The following CNTN6 variants were observed in gnomAD, a reference collection of about 807,000 sequenced individuals.
CNTN6 encodes contactin-6.
CNTN6 carries 137 observed loss-of-function variants against 122.8 expected under a neutral mutation model. That is an observed-to-expected ratio of 1.12 (90% CI 0.97 to 1.29). The LOEUF (loss-of-function observed/expected upper bound fraction) is 1.29, where lower values mean the gene tolerates loss of function less well. Ranked by LOEUF, CNTN6 falls within the 50% of genes most tolerant of loss-of-function variation. The pLI is 0.00. For missense variants in CNTN6, 1,634 were observed against 1,223.4 expected (o/e 1.34, Z -5.01); for synonymous variants, 570 against 426.0 (o/e 1.34, Z -4.16).
At chr3:1,099,263 A>T (rs935280996) in intron 1 of CNTN6, among the ~76,000 whole-genome samples, 1 of 152,008 alleles carries the variant, frequency 6.6e-6, no homozygotes, top group Non-Finnish European at 1.5e-5. Flanking sequence ...CATCCTGGCT[A>T]ACACGGTGAA....
intron 3 of CNTN6, among the ~76,000 whole-genome samples, chr3:1,224,056 C>T (rs2094244959): frequency 6.6e-6 from 1 of 152,186 alleles, no homozygotes; most frequent in Non-Finnish European, 1.5e-5. Context: ...GACTCAAATT[C>T]AGTGTACATC....
intron 1 of CNTN6, among the ~76,000 whole-genome samples, chr3:1,098,956 T>C (rs2090704334): frequency 6.6e-6 from 1 of 150,860 alleles, no homozygotes; most frequent in African/African-American, 2.4e-5. Context: ...ATACAATATA[T>C]AATAAGGGCC....
intron 14 of CNTN6, 44 bp from the exon 15 acceptor site, chr3:1,373,560 T>C: frequency 6.3e-7 from 1 of 1,583,182 alleles, no homozygotes; most frequent in South Asian, 1.1e-5. Context: ...AATTAATGAA[T>C]GTAAGTATCT....
At chr3:1,163,181 T>C (rs1049933332) in intron 2 of CNTN6, among the ~76,000 whole-genome samples, 1 of 152,196 alleles carries the variant, frequency 6.6e-6, no homozygotes, top group Non-Finnish European at 1.5e-5. Flanking sequence ...TAAAAGGCAA[T>C]TTGGGACTCT....
chr3:1,261,852 A>G (rs2094851539), intron 4 of CNTN6, among the ~76,000 whole-genome samples: 1 of 152,188 alleles, frequency 6.6e-6, no homozygotes. Context: ...ATGTAATAAG[A>G]CAAGAGGAGG....
chr3:1,306,172 A>C lies in CNTN6; in HGVS notation c.761+8181A>C, dbSNP rs1858064. On this transcript the variant is annotated intron_variant, in intron 7 of 22. Coordinates refer to ENST00000446702, the MANE Select transcript of CNTN6 (RefSeq NM_001289080.2). ...CCTTTTGTTTCCCCTCATTGAGTTG[A>C]GCAGATAGAGAACAGAATCTCTTCC... Among the ~76,000 whole-genome samples the C allele has an allele frequency of 4.7e-3, 719 of 152,252 alleles. 1 individual carries two copies. Among genetic ancestry groups the C allele is most frequent in the Non-Finnish European group, 8.0e-3 (547 of 67,996 alleles).
At chr3:1,134,686 TTTTTG>T (rs372317721) in intron 1 of CNTN6, among the ~76,000 whole-genome samples, 4,781 of 152,114 alleles carry the variant, frequency 0.031, 163 homozygotes, top group African/African-American at 0.076. Flanking sequence ...TTTTTTTTGT[TTTTTG>T]TTTTGTTTTG....
intron 4 of CNTN6, among the ~76,000 whole-genome samples, chr3:1,244,079 C>A (rs981970888): frequency 6.6e-6 from 1 of 152,116 alleles, no homozygotes; most frequent in African/African-American, 2.4e-5. Context: ...AGAAATCGAA[C>A]GTGCCGTTTT....
intron 7 of CNTN6, among the ~76,000 whole-genome samples, chr3:1,310,970 C>G (rs998102652): frequency 4.0e-5 from 6 of 151,858 alleles, no homozygotes; most frequent in African/African-American, 1.5e-4. Flanking sequence ...CATTGCAGTT[C>G]CCAAAGGACA....
At chr3:1,352,516 G>A (rs2126075908) in intron 12 of CNTN6, 65 bp downstream of exon 12, 5 of 1,578,714 alleles carry the variant, frequency 3.2e-6, no homozygotes, top group East Asian at 2.3e-5. Context: ...TATGACTTGT[G>A]TTATGGTGTC....
intron 1 of CNTN6, among the ~76,000 whole-genome samples, chr3:1,120,521 A>G (rs910791128): frequency 6.6e-6 from 1 of 151,788 alleles, no homozygotes; most frequent in Admixed American, 6.6e-5. Context: ...TATTTTGCCT[A>G]TTTGCTTCTT....
chr3:1,126,648 G>C (rs2092171692), intron 1 of CNTN6, among the ~76,000 whole-genome samples: 1 of 151,858 alleles, frequency 6.6e-6, no homozygotes, highest in Non-Finnish European at 1.5e-5. Context: ...CTGACATGAA[G>C]AGCTCTTAGC....
chr3:1,368,837 G>A (rs564428872), intron 12 of CNTN6, among the ~76,000 whole-genome samples: 8 of 152,074 alleles, frequency 5.3e-5, no homozygotes, highest in East Asian at 3.9e-4. Flanking sequence ...ATTTTAAAGC[G>A]AAAAGCTTTG....
chr3:1,110,551 G>T (rs1051346444), intron 1 of CNTN6, among the ~76,000 whole-genome samples: 2 of 152,006 alleles, frequency 1.3e-5, no homozygotes, highest in African/African-American at 4.8e-5. Context: ...TGGCAAATTT[G>T]GGGAAAAAGA....
chr3:1,239,366 C>CT (rs1208901008), intron 4 of CNTN6, among the ~76,000 whole-genome samples: 1 of 152,152 alleles, frequency 6.6e-6, no homozygotes, highest in East Asian at 1.9e-4. Flanking sequence ...GCTCTGCTGC[C>CT]TACCAACAGT....
chr3:1,101,348 C>G (rs2090886618), intron 1 of CNTN6, among the ~76,000 whole-genome samples: 1 of 152,292 alleles, frequency 6.6e-6, no homozygotes, highest in African/African-American at 2.4e-5. Flanking sequence ...TGAGGGCTTA[C>G]CTCTTTAACA....
At chr3:1,177,364 A>G (rs1207961212) in intron 2 of CNTN6, among the ~76,000 whole-genome samples, 2 of 152,214 alleles carry the variant, frequency 1.3e-5, no homozygotes, top group East Asian at 3.8e-4. Context: ...TCTTTTTCTC[A>G]GAAAATAATG....
intron 16 of CNTN6, among the ~76,000 whole-genome samples, chr3:1,376,511 G>A (rs1709890360): frequency 1.3e-5 from 2 of 151,840 alleles, no homozygotes; most frequent in Admixed American, 6.6e-5. Context: ...ATTGTAACGA[G>A]GAGTTTTAAA....
intron 2 of CNTN6, among the ~76,000 whole-genome samples, chr3:1,214,301 C>CTTTTTTTTTTTTTT (rs34799447): frequency 4.5e-5 from 2 of 44,028 alleles, no homozygotes; most frequent in Non-Finnish European, 3.8e-5. Context: ...TGTTGGATGT[C>CTTTTTTTTTTTTTT]TTTTTTTTTT....
Sources: gnomAD v4.1 joint callset for allele counts (sites outside exome capture counted in the v4.1 genomes callset) on GRCh38, gnomAD v4.1.1 for gene constraint, MANE v1.5 for transcripts, NCBI Gene and HGNC (gene_info 2026-07-23, HGNC 2026-07-21) for gene names.